The following KIAA1755 variants were observed in gnomAD, a reference collection of about 807,000 sequenced individuals.
KIAA1755 encodes KIAA1755.
KIAA1755 carries 68 observed loss-of-function variants against 91.7 expected under a neutral mutation model. The ratio of observed to expected loss-of-function variants is 0.74; its 90% CI spans 0.61 to 0.91. The LOEUF is 0.91. KIAA1755 is among the 40% of genes least tolerant of loss of function. KIAA1755 has a pLI of 0.00. For missense variants in KIAA1755, 1,535 were observed against 1,494.4 expected (o/e 1.03, Z -0.45); for synonymous variants, 610 against 604.6 (o/e 1.01, Z -0.13).
chr20:38,221,966 G>A (rs1383199011), intron 10 of KIAA1755, among the ~76,000 whole-genome samples: 1 of 152,194 alleles, frequency 6.6e-6, no homozygotes, highest in Non-Finnish European at 1.5e-5. Flanking sequence ...GCAGGGCCGG[G>A]TAGGGGTTAA....
chr20:38,258,134 CT>C (rs1381907317), intron 1 of KIAA1755, among the ~76,000 whole-genome samples: 3 of 152,124 alleles, frequency 2.0e-5, no homozygotes, highest in Non-Finnish European at 4.4e-5. Context: ...CTCCTGACCT[CT>C]GGTGATCCGC....
intron 4 of KIAA1755, among the ~76,000 whole-genome samples, chr20:38,237,506 T>C (rs1434791017): frequency 6.6e-6 from 1 of 151,904 alleles, no homozygotes; most frequent in Non-Finnish European, 1.5e-5. Context: ...AAGGAAGTGA[T>C]TACAATGTGA....
intron 5 of KIAA1755, among the ~76,000 whole-genome samples, chr20:38,230,658 G>T (rs945436762): frequency 2.6e-5 from 4 of 152,198 alleles, no homozygotes; most frequent in Non-Finnish European, 5.9e-5. Flanking sequence ...GGAGGCCGAG[G>T]TGGGTGGATC....
Position 38,241,217 on chromosome 20 carries a change from A to G in KIAA1755, c.914T>C (p.Leu305Pro). The change falls in exon 3 of 14, where the codon CTA becomes CCA. Residue 305 changes from leucine to proline, a missense_variant. By Grantham distance (98) the Leu-to-Pro change is moderately conservative. Coordinates refer to ENST00000279024, the MANE Select transcript of KIAA1755 (RefSeq NM_001029864.2). The stretch of plus-strand genomic sequence containing the variant: ...TTCCTTAGTTCCAGCTATCTCCTCT[A>G]GTGCCCCAGAAGTACACCCACTGGA... ...GTSSGCTSGA[L>P]EEIAGTKETP... 6.2e-7 allele frequency: 1 copy of G among 1,614,122 alleles called. No individual in the cohort carries two copies. Among genetic ancestry groups the G allele is most frequent in the Non-Finnish European group, 8.5e-7 (1 of 1,180,010 alleles).
intron 13 of KIAA1755, among the ~76,000 whole-genome samples, chr20:38,213,996 G>A (rs1335581610): frequency 6.7e-6 from 1 of 149,710 alleles, no homozygotes; most frequent in Non-Finnish European, 1.5e-5. Context: ...CCATCACCCA[G>A]GCTAGAGTGC....
At chr20:38,231,510 GA>G (rs2075863573) in intron 4 of KIAA1755, among the ~76,000 whole-genome samples, 185 bp from the exon 5 acceptor site, 1 of 152,176 alleles carries the variant, frequency 6.6e-6, no homozygotes, top group Non-Finnish European at 1.5e-5. Flanking sequence ...ACCACTTCGT[GA>G]GAAAAGTCTT....
At chr20:38,248,841 A>G (rs1313567333) in intron 1 of KIAA1755, among the ~76,000 whole-genome samples, 2 of 150,140 alleles carry the variant, frequency 1.3e-5, no homozygotes, top group South Asian at 2.1e-4. Context: ...AATTACAGGG[A>G]TGAGCCACCG....
Position 38,213,473 on chromosome 20 carries a change from G to A in KIAA1755, c.3172C>T (p.Pro1058Ser). The part of the protein sequence containing the change: ...LEKALTHSSC[P>S]EAPAAHSARP... Reference sequence around the variant, plus strand: ...GCTGAGTGAGCAGCTGGAGCCTCTGGGCAAGAGCTGTGGGTCAGTGCCTTC... The same window carrying A: ...GCTGAGTGAGCAGCTGGAGCCTCTGAGCAAGAGCTGTGGGTCAGTGCCTTC... Residue 1058 changes from proline (P) to serine (S), a missense_variant, in exon 14 of 14, where the codon CCA becomes TCA. Transcript: ENST00000279024. 6.2e-7 allele frequency: 1 copy of A among 1,606,060 alleles called. No individual in the cohort carries two copies. Among genetic ancestry groups the A allele is most frequent in the Non-Finnish European group, 8.5e-7 (1 of 1,176,496 alleles).
chr20:38,244,150 A>T (rs1407312001), intron 2 of KIAA1755, among the ~76,000 whole-genome samples: 1 of 152,236 alleles, frequency 6.6e-6, no homozygotes, highest in Non-Finnish European at 1.5e-5. Flanking sequence ...TGTTACCTTG[A>T]GGAAGCGGCC....
chr20:38,229,328 GCACA>G (rs1465113627), intron 5 of KIAA1755, among the ~76,000 whole-genome samples: 1 of 152,226 alleles, frequency 6.6e-6, no homozygotes. Context: ...CTCAGTGACT[GCACA>G]GAGTAAATGG....
intron 5 of KIAA1755, among the ~76,000 whole-genome samples, chr20:38,229,386 G>A (rs2075821462): frequency 6.6e-6 from 1 of 152,198 alleles, no homozygotes; most frequent in South Asian, 2.1e-4. Context: ...GGAAACTGAG[G>A]CACAGAAAGG....
Position 38,218,315 on chromosome 20 carries a change from G to A in KIAA1755, c.2608C>T (p.Pro870Ser), listed in dbSNP as rs148038467. The A allele has an allele frequency of 1.9e-6, 3 of 1,614,106 alleles. No homozygotes were observed. The highest frequency in any genetic ancestry group is 1.7e-5 in the Admixed American group (1 of 60,004). ...ACTGTCTCCAAACTTCCATCCTTGG[G>A]GGTCAGTGATTGCAGGCACCGCCTT... ...EGRRCLQSLT[P>S]KDGSLETVEK... Residue 870 changes from proline to serine, a missense_variant, in exon 12 of 14, where the codon CCC becomes TCC. Coordinates refer to ENST00000279024, the MANE Select transcript of KIAA1755 (RefSeq NM_001029864.2).
At chr20:38,219,494 G>A (rs2075615934) in intron 11 of KIAA1755, 136 bp downstream of exon 11, 1 of 1,174,022 alleles carries the variant, frequency 8.5e-7, no homozygotes, top group African/African-American at 1.5e-5. Context: ...TGCCTGCCTG[G>A]CCTTTGAAGG....
chr20:38,256,291 G>A (rs2076337809), intron 1 of KIAA1755, among the ~76,000 whole-genome samples: 1 of 152,072 alleles, frequency 6.6e-6, no homozygotes, highest in Non-Finnish European at 1.5e-5. Context: ...CAACTCACTG[G>A]TCTGGTGCTG....
chr20:38,233,588 G>A (rs761474259), intron 4 of KIAA1755: 1 of 152,064 alleles, frequency 6.6e-6, no homozygotes. Flanking sequence ...CTCTCTGCAA[G>A]GGTAGAGACC....
chr20:38,248,327 C>T (rs183230327), intron 1 of KIAA1755, among the ~76,000 whole-genome samples: 4 of 152,284 alleles, frequency 2.6e-5, no homozygotes, highest in Non-Finnish European at 5.9e-5. Context: ...CCAAGGAATG[C>T]GGGCGTCTCC....
chr20:38,257,673 T>C (rs1015696586), intron 1 of KIAA1755, among the ~76,000 whole-genome samples: 3 of 150,400 alleles, frequency 2.0e-5, no homozygotes, highest in African/African-American at 7.3e-5. Context: ...TGATGTGAAA[T>C]CACAGCGAGA....
intron 13 of KIAA1755, among the ~76,000 whole-genome samples, chr20:38,214,191 T>C (rs1600555150): frequency 6.6e-6 from 1 of 152,186 alleles, no homozygotes; most frequent in Non-Finnish European, 1.5e-5. Flanking sequence ...CCTCAGGTGA[T>C]CCACCCGCCG....
chr20:38,214,862 TGTTAG>T (rs2075517813), intron 13 of KIAA1755, among the ~76,000 whole-genome samples: 2 of 152,362 alleles, frequency 1.3e-5, no homozygotes, highest in African/African-American at 4.8e-5. Context: ...GATAGCGAGC[TGTTAG>T]GCTGTAGGGA....
Sources: allele counts gnomAD v4.1 joint callset (sites outside exome capture counted in the v4.1 genomes callset), GRCh38; gene constraint gnomAD v4.1.1; transcripts MANE v1.5; gene names NCBI Gene and HGNC (gene_info 2026-07-23, HGNC 2026-07-21).